Variants in SPICE1 observed in about 807,000 individuals in gnomAD.
SPICE1 encodes spindle and centriole-associated protein 1.
A neutral mutation model predicts 102.7 loss-of-function variants in SPICE1; 75 were observed. The observed-to-expected ratio is 0.73, with a 90% CI of 0.61 to 0.88. The LOEUF (loss-of-function observed/expected upper bound fraction) is 0.88. Among genes scored for constraint, SPICE1 ranks in the 40% least tolerant of loss-of-function variants. The pLI, the probability that SPICE1 is intolerant of heterozygous loss-of-function variation, is 0.00. For missense variants in SPICE1, 979 were observed against 1,020.1 expected, an observed-to-expected ratio of 0.96 and a Z score of 0.55; for synonymous variants, 308 against 350.3, an observed-to-expected ratio of 0.88 and a Z score of 1.35.
Position 113,490,945 on chromosome 3 carries a change from A to G in SPICE1, c.493-1882T>C, listed in dbSNP as rs182556757. On this transcript the variant is annotated intron_variant, in intron 6 of 17. Transcript: ENST00000295872. ...TTGGGTCAGGCCCTCACCACTTCTA[A>G]GATGCCCACCTAAGTCTTCTAACCA... is the stretch of plus-strand genomic sequence containing the variant. 3.4e-3 allele frequency among the ~76,000 whole-genome samples: 515 copies of G among 152,220 alleles called. 4 individuals carry two copies. Among genetic ancestry groups the G allele is most frequent in the African/African-American group, 0.012 (490 of 41,534 alleles).
chr3:113,507,855 A>G (rs1005248269), intron 1 of SPICE1, among the ~76,000 whole-genome samples: 1 of 152,204 alleles, frequency 6.6e-6, no homozygotes, highest in Non-Finnish European at 1.5e-5. Context: ...CTCATTTTAC[A>G]AACGAGAAAA....
chr3:113,472,982 T>G (rs1217776657), intron 7 of SPICE1, among the ~76,000 whole-genome samples: 1 of 152,120 alleles, frequency 6.6e-6, no homozygotes, highest in Non-Finnish European at 1.5e-5. Flanking sequence ...ACGATCAAAC[T>G]ACTCCGAGCT....
rs1935520002 is a variant in SPICE1 at position 113,446,626 on chromosome 3, C to T, written c.2477G>A (p.Gly826Glu). 6.2e-7 allele frequency: 1 copy of T among 1,613,828 alleles called. No homozygotes were observed. The change falls in exon 17 of 18, where the codon GGA becomes GAA. Residue 826 changes from glycine (G) to glutamate (E), a missense_variant. Physicochemically the swap from Gly to Glu is moderately conservative, Grantham distance 98. Transcript: ENST00000295872. ...NSCSPLNATS[G>E]SGRFTPLNPR... Reference sequence around the variant, plus strand: ...ATTAAGAGGTGTGAATCTCCCACTTCCTGAGGTGGCATTTAGTGGAGAACA... The same window carrying T: ...ATTAAGAGGTGTGAATCTCCCACTTTCTGAGGTGGCATTTAGTGGAGAACA...
At chr3:113,499,660 C>T in intron 3 of SPICE1, 78 bp from the exon 4 acceptor site, 5 of 1,352,628 alleles carry the variant, frequency 3.7e-6, no homozygotes, top group Non-Finnish European at 4.9e-6. Flanking sequence ...AGATCACCTA[C>T]TCTAGTTCAT....
chr3:113,508,892 T>A (rs1341596826), intron 1 of SPICE1, among the ~76,000 whole-genome samples: 2 of 152,058 alleles, frequency 1.3e-5, no homozygotes, highest in Non-Finnish European at 2.9e-5. Context: ...TAAAATGTGG[T>A]ATATCTACAC....
intron 13 of SPICE1, 73 bp downstream of exon 13, chr3:113,457,063 A>G: frequency 2.8e-6 from 4 of 1,412,418 alleles, no homozygotes; most frequent in Non-Finnish European, 3.9e-6. Context: ...TTTTCATGTA[A>G]TGGTGAAAGT....
At chr3:113,500,432 G>T (rs1179034816) in intron 3 of SPICE1, among the ~76,000 whole-genome samples, 1 of 152,030 alleles carries the variant, frequency 6.6e-6, no homozygotes, top group East Asian at 1.9e-4. Context: ...CAACTGAGGA[G>T]ATTTGAATAT....
intron 7 of SPICE1, among the ~76,000 whole-genome samples, chr3:113,469,495 T>C (rs1221410284): frequency 1.4e-5 from 2 of 146,876 alleles, no homozygotes; most frequent in Admixed American, 6.8e-5. Context: ...TATTCTATAT[T>C]ACATGTAATT....
chr3:113,445,467 GCCATTGAATGGTACTGGA>G, intron 17 of SPICE1, 107 bp from the exon 18 acceptor site: 1 of 831,540 alleles, frequency 1.2e-6, no homozygotes. Context: ...GTCATCCTGT[GCCATTGAATGGTACTGGA>G]AATTAAATTG....
intron 10 of SPICE1, among the ~76,000 whole-genome samples, chr3:113,466,064 A>G (rs1936049242): frequency 6.6e-6 from 1 of 152,224 alleles, no homozygotes; most frequent in Admixed American, 6.5e-5. Flanking sequence ...ACATATACAT[A>G]TTATTTGAAT....
intron 7 of SPICE1, among the ~76,000 whole-genome samples, chr3:113,483,406 T>C (rs976300436): frequency 6.6e-6 from 1 of 152,230 alleles, no homozygotes; most frequent in Non-Finnish European, 1.5e-5. Flanking sequence ...TTTCTGTCTC[T>C]TGCCTGATTG....
chr3:113,455,827 G>A (rs1935767005), intron 13 of SPICE1, among the ~76,000 whole-genome samples: 1 of 152,152 alleles, frequency 6.6e-6, no homozygotes, highest in South Asian at 2.1e-4. Context: ...GTTGTCTATA[G>A]CAATCCCTGA....
At chr3:113,448,240 G>T in intron 15 of SPICE1, 100 bp from the exon 16 acceptor site, 1 of 1,051,470 alleles carries the variant, frequency 9.5e-7, no homozygotes, top group South Asian at 2.1e-5. Flanking sequence ...AAAATTTGGT[G>T]GTTCTTTCCA....
At chr3:113,479,126 A>AC (rs1164815346) in intron 7 of SPICE1, among the ~76,000 whole-genome samples, 2 of 77,032 alleles carry the variant, frequency 2.6e-5, no homozygotes, top group Non-Finnish European at 4.9e-5. Context: ...CCCTCCCCCC[A>AC]CCCCCCACCC....
intron 15 of SPICE1, chr3:113,449,512 C>T (rs543948398): frequency 6.6e-6 from 1 of 152,234 alleles, no homozygotes; most frequent in Non-Finnish European, 1.5e-5. Context: ...CCAGCAATTT[C>T]CAAAAGAGTC....
chr3:113,485,668 A>ATC (rs1189220832), intron 7 of SPICE1, among the ~76,000 whole-genome samples: 2 of 152,132 alleles, frequency 1.3e-5, no homozygotes, highest in Non-Finnish European at 2.9e-5. Context: ...AGACTTAAAC[A>ATC]TCTATGCCTG....
chr3:113,474,685 A>T (rs2107472614), intron 7 of SPICE1, among the ~76,000 whole-genome samples: 1 of 152,370 alleles, frequency 6.6e-6, no homozygotes, highest in East Asian at 1.9e-4. Flanking sequence ...CTCCTGAATG[A>T]CTACTGGGTA....
At chr3:113,446,710 G>A (rs769573537) in intron 16 of SPICE1, 34 bp from the exon 17 acceptor site, 13 of 1,502,824 alleles carry the variant, frequency 8.7e-6, no homozygotes, top group African/African-American at 4.1e-5. Context: ...GTAAGAGAGT[G>A]AGCTATCATT....
At position 113,445,338 on chromosome 3, in the gene SPICE1, CCTT is replaced by C. The variant is rs1935488669; in HGVS notation, c.2534_2536del (p.Glu845del). On this transcript the variant is annotated inframe_deletion, in exon 18 of 18. Coordinates refer to ENST00000295872, the MANE Select transcript of SPICE1 (RefSeq NM_144718.4). ...TACATGGGTAGAAAGAGCAAACCAG[CCTT>C]CTTCATTCTGTTTCTCAATCTGTTG... The C allele has an allele frequency of 6.2e-7, 1 of 1,612,672 alleles. No homozygotes were observed. The highest frequency in any genetic ancestry group is 2.2e-5 in the East Asian group (1 of 44,724).
Sources: allele counts gnomAD v4.1 joint callset (sites outside exome capture counted in the v4.1 genomes callset), GRCh38; gene constraint gnomAD v4.1.1; transcripts MANE v1.5; gene names NCBI Gene and HGNC (gene_info 2026-07-23, HGNC 2026-07-21).